GAS7: variants seen among roughly 807,000 people sequenced by gnomAD.
GAS7 encodes the protein growth arrest-specific protein 7.
A neutral mutation model predicts 71.1 loss-of-function variants in GAS7; 28 were observed. That is an observed-to-expected ratio of 0.39 (90% CI 0.29 to 0.54). The LOEUF (loss-of-function observed/expected upper bound fraction) is 0.54, where lower values mean the gene tolerates loss of function less well. Ranked by LOEUF, GAS7 falls within the 20% of genes least tolerant of loss-of-function variation. The pLI is 0.62. For synonymous variants in GAS7, 258 were observed against 245.8 expected (o/e 1.05, Z -0.46); for missense variants, 436 against 627.8 (o/e 0.69, Z 3.27).
intron 1 of GAS7, chr17:10,036,453 T>C: frequency 1.2e-6 from 2 of 1,613,742 alleles, no homozygotes; most frequent in African/African-American, 2.7e-5. Flanking sequence ...ACAGCTAACC[T>C]TCTCTGGGGG....
In GAS7 at chr17:10,166,904, G is replaced by A. The variant is rs1045620382; in HGVS notation, c.183+31304C>T. Reference sequence around the variant, plus strand: ...GGCACATTCGATCAAAGGCTCCAGAGATCCCCAAAAGTCTATCACTTGTCC... The same window carrying A: ...GGCACATTCGATCAAAGGCTCCAGAAATCCCCAAAAGTCTATCACTTGTCC... On this transcript the variant is annotated intron_variant, in intron 1 of 13. Transcript: ENST00000432992. 2.6e-5 allele frequency among the ~76,000 whole-genome samples: 4 copies of A among 152,140 alleles called. No homozygotes were observed. The East Asian group carries it at 7.7e-4, about 29-fold the overall frequency.
At chr17:10,190,060 C>T (rs189185504) in intron 1 of GAS7, among the ~76,000 whole-genome samples, 1 of 152,296 alleles carries the variant, frequency 6.6e-6, no homozygotes, top group Admixed American at 6.5e-5. Context: ...CAGGCACGCC[C>T]ATTGGCTTTC....
intron 1 of GAS7, among the ~76,000 whole-genome samples, chr17:10,105,114 A>G (rs950273558): frequency 1.3e-5 from 2 of 152,178 alleles, no homozygotes; most frequent in Non-Finnish European, 2.9e-5. Context: ...CTGGCCACAT[A>G]CGGCTATTTA....
chr17:9,926,568 T>G lies in GAS7; in HGVS notation c.1014+73A>C. 2.6e-6 allele frequency: 4 copies of G among 1,523,656 alleles called. No individual in the cohort carries two copies. Among genetic ancestry groups the G allele is most frequent in the Non-Finnish European group, 3.6e-6 (4 of 1,107,702 alleles). The allele number at this position is 1,523,656 out of a possible 1,614,324, so 94.4% of individuals were successfully genotyped here. On this transcript the variant is annotated intron_variant, in intron 10 of 13. Coordinates refer to ENST00000432992, the MANE Select transcript of GAS7 (RefSeq NM_201433.2). The surrounding 1 kb of genome is among the most constrained non-coding windows in gnomAD (Gnocchi z 5.0). ...CAGCCTTGGCGTATGGAGCCACTGCTGGCTTCCCAGTCCCCCTTCTTCCAG... is the reference window on the plus strand; with the variant it reads ...CAGCCTTGGCGTATGGAGCCACTGCGGGCTTCCCAGTCCCCCTTCTTCCAG...
rs200873225 is a variant in GAS7 at position 9,943,272 on chromosome 17, C to T, written c.616-36G>A. 4.3e-4 allele frequency: 522 copies of T among 1,219,046 alleles called. No individual in the cohort carries two copies. The African/African-American group carries it at 6.7e-3, about 16-fold the overall frequency. 75.5% of individuals were successfully genotyped at this position (1,219,046 alleles called of 1,614,324 possible). A position where few individuals can be genotyped will look rare whatever the true frequency, so the allele number is the denominator to read the frequency against. ...AGCAGAAGCACAAGAGTTTAGGGCACGTCTGAGTCTGGAGCCAGGGAGAAT... is the reference window on the plus strand; with the variant it reads ...AGCAGAAGCACAAGAGTTTAGGGCATGTCTGAGTCTGGAGCCAGGGAGAAT... On this transcript the variant is annotated intron_variant, in intron 6 of 13. Transcript: ENST00000432992.
At chr17:9,999,607 T>C (rs1022889421) in intron 2 of GAS7, among the ~76,000 whole-genome samples, 5 of 151,752 alleles carry the variant, frequency 3.3e-5, no homozygotes, top group East Asian at 3.9e-4. Flanking sequence ...TTCTGGAAAA[T>C]AGAAATCAGC....
chr17:10,102,991 G>A (rs373201034), intron 1 of GAS7, among the ~76,000 whole-genome samples: 296 of 152,202 alleles, frequency 1.9e-3, no homozygotes, highest in African/African-American at 6.6e-3. Context: ...CCTCAGAGTG[G>A]GATCCAGGGA....
In GAS7 at chr17:9,913,354, A is replaced by G. The variant is rs2270121; in HGVS notation, c.*3874T>C. ...TGCATCTTGAGCCTTCTGTTTAAAC[A>G]CTCCTTGTCAAGACTACCTGCAGCT... On this transcript the variant is annotated 3_prime_UTR_variant, in exon 14 of 14. Coordinates refer to ENST00000432992, the MANE Select transcript of GAS7 (RefSeq NM_201433.2). 142,826 of 232,094 alleles carry G rather than the reference A, an allele frequency of 0.62. 45,027 individuals carry two copies. The highest frequency in any genetic ancestry group is 0.78 in the African/African-American group (35,194 of 45,312). 14.4% of individuals were successfully genotyped at this position (232,094 alleles called of 1,614,324 possible).
intron 1 of GAS7, among the ~76,000 whole-genome samples, chr17:10,158,336 TAAAAAAAAAAA>T (rs58514810): frequency 1.2e-5 from 1 of 83,404 alleles, no homozygotes; most frequent in African/African-American, 4.2e-5. Flanking sequence ...CTTTTTTTGG[TAAAAAAAAAAA>T]AAAAAAAAAA....
intron 2 of GAS7, among the ~76,000 whole-genome samples, chr17:9,990,974 T>A (rs1012739619): frequency 6.6e-6 from 1 of 152,228 alleles, no homozygotes; most frequent in African/African-American, 2.4e-5. Flanking sequence ...TCGGTTTCCC[T>A]GTTGTAAAGT....
chr17:10,138,355 A>G (rs2074055767), intron 1 of GAS7, among the ~76,000 whole-genome samples: 1 of 152,224 alleles, frequency 6.6e-6, no homozygotes, highest in Non-Finnish European at 1.5e-5. Flanking sequence ...CTAGTAAGGA[A>G]GGGAGGACAT....
chr17:10,008,098 T>C lies in GAS7; in HGVS notation c.304+11679A>G, dbSNP rs78615329. Among the ~76,000 whole-genome samples, 1,277 of 152,364 alleles carry C rather than the reference T, an allele frequency of 8.4e-3. 5 individuals carry two copies. The highest frequency in any genetic ancestry group is 0.015 in the Non-Finnish European group (1,016 of 68,032). ...TTTATGGCTGAATAATATACCATTG[T>C]ATGGCTAAAACCACATTTTGTTTAT... is the stretch of plus-strand genomic sequence containing the variant. On this transcript the variant is annotated intron_variant, in intron 2 of 13. Coordinates refer to ENST00000432992, the MANE Select transcript of GAS7 (RefSeq NM_201433.2).
intron 4 of GAS7, among the ~76,000 whole-genome samples, chr17:9,965,758 T>C (rs9906870): frequency 0.58 from 88,374 of 152,112 alleles, 26,880 homozygotes; most frequent in African/African-American, 0.78. Context: ...ACCCAGTACC[T>C]GGGCCGACTG....
Position 9,946,977 on chromosome 17 carries a change from A to G in GAS7, c.532T>C (p.Cys178Arg). 6.2e-7 allele frequency: 1 copy of G among 1,610,200 alleles called. No homozygotes were observed. The highest frequency in any genetic ancestry group is 8.5e-7 in the Non-Finnish European group (1 of 1,176,498). ...QSKENTITIN[C>R]VTFPHPDTMP... ...GTGTCTGGGTGAGGGAACGTCACAC[A>G]GTTTATCTGTAGGGCACAGAACAAG... Residue 178 changes from cysteine to arginine, a missense_variant, in exon 6 of 14, where the codon TGT becomes CGT. By Grantham distance (180) the Cys-to-Arg change is radical. Coordinates refer to ENST00000432992, the MANE Select transcript of GAS7 (RefSeq NM_201433.2).
At chr17:10,095,834 T>C (rs1331835666) in intron 1 of GAS7, among the ~76,000 whole-genome samples, 2 of 151,590 alleles carry the variant, frequency 1.3e-5, no homozygotes, top group Non-Finnish European at 2.9e-5. Context: ...TTCTCAGATC[T>C]TAACACCTCT....
chr17:9,923,248 C>CAAA (rs11413957), intron 11 of GAS7, among the ~76,000 whole-genome samples: 17 of 135,370 alleles, frequency 1.3e-4, no homozygotes, highest in South Asian at 2.4e-4. Flanking sequence ...ACACCTGAAA[C>CAAA]AAAAAAAAAA....
chr17:9,985,822 T>TC (rs1766012398), intron 2 of GAS7, among the ~76,000 whole-genome samples: 1 of 152,128 alleles, frequency 6.6e-6, no homozygotes, highest in South Asian at 2.1e-4. Flanking sequence ...AGCTCAGAGC[T>TC]CCCCACGGCG....
intron 11 of GAS7, among the ~76,000 whole-genome samples, chr17:9,924,351 T>A (rs922313848): frequency 2.0e-5 from 3 of 152,114 alleles, no homozygotes; most frequent in Non-Finnish European, 4.4e-5. Flanking sequence ...TTTTTCAAAT[T>A]TTTTTGTAGA....
chr17:9,967,950 A>G (rs1295332643), intron 4 of GAS7, among the ~76,000 whole-genome samples: 1 of 152,232 alleles, frequency 6.6e-6, no homozygotes, highest in African/African-American at 2.4e-5. Flanking sequence ...TTTAAAATAG[A>G]TGAGTAACAA....
Sources: gnomAD v4.1 joint callset for allele counts (sites outside exome capture counted in the v4.1 genomes callset) on GRCh38, gnomAD v4.1.1 for gene constraint, Gnocchi (gnomAD v3.1) non-coding constraint, MANE v1.5 for transcripts, NCBI Gene and HGNC (gene_info 2026-07-23, HGNC 2026-07-21) for gene names.